Variants in MARCHF1 observed in about 807,000 individuals in gnomAD.
MARCHF1 encodes membrane associated ring-CH-type finger 1.
In MARCHF1, 40 loss-of-function variants were observed where a neutral mutation model predicts 54.2. That is an observed-to-expected ratio of 0.74 (90% CI 0.57 to 0.96). The LOEUF is 0.96. Ranked by LOEUF, MARCHF1 falls within the 40% of genes least tolerant of loss-of-function variation. MARCHF1 has a pLI of 0.00. For synonymous variants in MARCHF1, 236 were observed against 236.3 expected (o/e 1.00, Z 0.01); for missense variants, 586 against 656.5 (o/e 0.89, Z 1.17).
At chr4:163,868,039 C>T (rs1004911356) in intron 3 of MARCHF1, among the ~76,000 whole-genome samples, 1 of 151,786 alleles carries the variant, frequency 6.6e-6, no homozygotes, top group Non-Finnish European at 1.5e-5. Context: ...CACCAGAAGG[C>T]CTTTTGCATT....
At chr4:163,672,092 CT>C (rs1743756668) in intron 5 of MARCHF1, among the ~76,000 whole-genome samples, 1 of 152,058 alleles carries the variant, frequency 6.6e-6, no homozygotes, top group African/African-American at 2.4e-5. Flanking sequence ...GTCTGATATC[CT>C]AGTTTCAAAT....
chr4:163,856,515 C>T (rs1319049760), intron 3 of MARCHF1, among the ~76,000 whole-genome samples: 1 of 152,168 alleles, frequency 6.6e-6, no homozygotes, highest in African/African-American at 2.4e-5. Context: ...CACAGCTTCA[C>T]TTCAGCTTTT....
At chr4:163,809,008 C>G (rs146544731) in intron 4 of MARCHF1, among the ~76,000 whole-genome samples, 36 of 152,294 alleles carry the variant, frequency 2.4e-4, no homozygotes, top group African/African-American at 8.4e-4. Flanking sequence ...ACCACCTCAT[C>G]TCAAACAGTA....
At chr4:164,140,622 T>C (rs1283040287) in intron 1 of MARCHF1, among the ~76,000 whole-genome samples, 1 of 152,188 alleles carries the variant, frequency 6.6e-6, no homozygotes, top group Non-Finnish European at 1.5e-5. Context: ...TTCAGACTGA[T>C]CTGCCAGCTC....
chr4:163,888,361 A>G (rs1750584774), intron 3 of MARCHF1, among the ~76,000 whole-genome samples: 1 of 152,164 alleles, frequency 6.6e-6, no homozygotes, highest in Non-Finnish European at 1.5e-5. Context: ...AACAAAATAT[A>G]AAGCAAATCT....
At chr4:163,534,033 A>G (rs1005276792) in intron 9 of MARCHF1, among the ~76,000 whole-genome samples, 1 of 151,972 alleles carries the variant, frequency 6.6e-6, no homozygotes, top group African/African-American at 2.4e-5. Flanking sequence ...CCAAAGTCCT[A>G]TCTGGGTAGC....
intron 1 of MARCHF1, among the ~76,000 whole-genome samples, chr4:164,357,954 AT>A (rs1328225925): frequency 6.6e-6 from 1 of 152,174 alleles, no homozygotes; most frequent in Non-Finnish European, 1.5e-5. Flanking sequence ...AGAGCTGTAG[AT>A]TTTCGGTGAT....
intron 5 of MARCHF1, among the ~76,000 whole-genome samples, chr4:163,634,749 A>G (rs1223417905): frequency 6.7e-6 from 1 of 148,330 alleles, no homozygotes; most frequent in South Asian, 2.2e-4. Flanking sequence ...AAGCGGACCT[A>G]ATAGACATCT....
intron 3 of MARCHF1, among the ~76,000 whole-genome samples, chr4:163,913,928 G>T (rs1038768787): frequency 6.6e-6 from 1 of 152,152 alleles, no homozygotes; most frequent in Admixed American, 6.6e-5. Flanking sequence ...CAGTGGGGGC[G>T]GCAGACTACA....
At chr4:163,589,676 A>G (rs1017852297) in intron 7 of MARCHF1, among the ~76,000 whole-genome samples, 3 of 152,178 alleles carry the variant, frequency 2.0e-5, no homozygotes, top group African/African-American at 7.2e-5. Context: ...GGAAACAGCA[A>G]TGAAAACATA....
At chr4:164,140,190 CATACACACACATAT>C (rs1756494313) in intron 1 of MARCHF1, among the ~76,000 whole-genome samples, 1 of 149,222 alleles carries the variant, frequency 6.7e-6, no homozygotes, top group Admixed American at 6.8e-5. Flanking sequence ...CACATATACA[CATACACACACATAT>C]ATACACACAC....
chr4:163,921,118 G>T (rs1751420425), intron 3 of MARCHF1, among the ~76,000 whole-genome samples: 1 of 152,086 alleles, frequency 6.6e-6, no homozygotes, highest in Non-Finnish European at 1.5e-5. Context: ...GCAAACTAAG[G>T]CTAAATAAGT....
intron 4 of MARCHF1, among the ~76,000 whole-genome samples, chr4:163,793,141 G>A (rs1426483633): frequency 6.6e-6 from 1 of 152,120 alleles, no homozygotes; most frequent in Non-Finnish European, 1.5e-5. Flanking sequence ...AATAAAAAAT[G>A]TTATTCCTAA....
intron 4 of MARCHF1, among the ~76,000 whole-genome samples, chr4:163,728,783 T>C (rs187393134): frequency 4.6e-5 from 7 of 152,318 alleles, no homozygotes; most frequent in African/African-American, 1.4e-4. Context: ...ATCAACATAA[T>C]TTTGTTTCCT....
At chr4:164,269,250 C>T (rs1364425838) in intron 1 of MARCHF1, among the ~76,000 whole-genome samples, 1 of 152,120 alleles carries the variant, frequency 6.6e-6, no homozygotes, top group Non-Finnish European at 1.5e-5. Flanking sequence ...TCTGCCCACC[C>T]AGCACACTCT....
chr4:163,688,389 C>T (rs1744337560), intron 5 of MARCHF1, among the ~76,000 whole-genome samples: 1 of 152,132 alleles, frequency 6.6e-6, no homozygotes, highest in African/African-American at 2.4e-5. Flanking sequence ...CTTTTAACAA[C>T]TCAAACATTG....
In MARCHF1 at chr4:163,773,323, C is replaced by G. The variant is rs141367163; in HGVS notation, c.112-72460G>C. Among the ~76,000 whole-genome samples, 1,141 of 152,256 alleles carry G rather than the reference C, an allele frequency of 7.5e-3. 16 individuals carry two copies. The highest frequency in any genetic ancestry group is 0.026 in the African/African-American group (1,084 of 41,544). On this transcript the variant is annotated intron_variant, in intron 4 of 9. Transcript: ENST00000514618. ...GTTACCACCAGGCTCAGCCCAATACCTGGAAGAGAAATGTGCTAAATTTTT... is the reference window on the plus strand; with the variant it reads ...GTTACCACCAGGCTCAGCCCAATACGTGGAAGAGAAATGTGCTAAATTTTT...
chr4:163,904,023 A>T (rs1159236556), intron 3 of MARCHF1, among the ~76,000 whole-genome samples: 2 of 152,180 alleles, frequency 1.3e-5, no homozygotes, highest in Non-Finnish European at 2.9e-5. Flanking sequence ...AAAATTTCCA[A>T]ATATAGGTAA....
chr4:163,722,316 C>T (rs989300344), intron 4 of MARCHF1, among the ~76,000 whole-genome samples: 2 of 152,102 alleles, frequency 1.3e-5, no homozygotes, highest in Non-Finnish European at 2.9e-5. Context: ...GCAGGTTGTT[C>T]AGTTTCCATG....
Sources: allele counts gnomAD v4.1 joint callset (sites outside exome capture counted in the v4.1 genomes callset), GRCh38; gene constraint gnomAD v4.1.1; transcripts MANE v1.5; gene names NCBI Gene and HGNC (gene_info 2026-07-23, HGNC 2026-07-21).